The following SDE2 variants were observed in gnomAD, a reference collection of about 807,000 sequenced individuals.
SDE2 encodes the protein spliceosome associated SDE2.
A neutral mutation model predicts 46.9 loss-of-function variants in SDE2; 31 were observed. The observed-to-expected ratio is 0.66, with a 90% CI of 0.50 to 0.89. The LOEUF is 0.89. Among genes scored for constraint, SDE2 ranks in the 40% least tolerant of loss-of-function variants. The pLI is 0.00. For synonymous variants in SDE2, 205 were observed against 204.3 expected (o/e 1.00, Z -0.03); for missense variants, 542 against 564.4 (o/e 0.96, Z 0.40).
intron 2 of SDE2, among the ~76,000 whole-genome samples, chr1:225,994,036 T>C (rs1656464359): frequency 1.3e-5 from 2 of 151,876 alleles, no homozygotes; most frequent in African/African-American, 4.8e-5. Flanking sequence ...CTCAAAGTGT[T>C]GGGATTACAG....
rs1285856608 is a variant in SDE2, at chr1:225,983,121, G to C, written c.*2181C>G. 6.6e-6 allele frequency: 1 copy of C among 152,088 alleles called. No individual in the cohort carries two copies. Among genetic ancestry groups the C allele is most frequent in the Non-Finnish European group, 1.5e-5 (1 of 68,008 alleles). 9.4% of individuals were successfully genotyped at this position (152,088 alleles called of 1,614,324 possible). A position where few individuals can be genotyped will look rare whatever the true frequency, so the allele number is the denominator to read the frequency against. On this transcript the variant is annotated 3_prime_UTR_variant, in exon 7 of 7. Transcript: ENST00000272091. ...CTTATTAAAAGATACAGAGAGAACA[G>C]ATAAAAATGCAAGTCTCAAGTATAT...
At chr1:225,989,625 T>C (rs1656348784) in intron 5 of SDE2, among the ~76,000 whole-genome samples, 1 of 145,100 alleles carries the variant, frequency 6.9e-6, no homozygotes, top group African/African-American at 2.6e-5. Context: ...CAAGATTCTG[T>C]CTCAAAAAAA....
intron 5 of SDE2, among the ~76,000 whole-genome samples, chr1:225,990,820 T>C (rs1656382073): frequency 6.6e-6 from 1 of 152,174 alleles, no homozygotes; most frequent in African/African-American, 2.4e-5. Flanking sequence ...GAAAAAGTAC[T>C]GCTGTGCTTT....
intron 2 of SDE2, among the ~76,000 whole-genome samples, chr1:225,993,314 TA>T (rs1332371553): frequency 6.6e-6 from 1 of 152,116 alleles, no homozygotes; most frequent in South Asian, 2.1e-4. Context: ...CTAGAATATT[TA>T]AAAAGCTTTA....
At chr1:225,987,188 C>T (rs1656287518) in intron 6 of SDE2, among the ~76,000 whole-genome samples, 2 of 152,116 alleles carry the variant, frequency 1.3e-5, no homozygotes, top group Non-Finnish European at 2.9e-5. Flanking sequence ...GGATTACAGG[C>T]GTGCACCACC....
Position 225,991,337 on chromosome 1 carries a change from C to T in SDE2, c.547G>A (p.Val183Ile), listed in dbSNP as rs773503452. The change falls in exon 5 of 7, where the codon GTT becomes ATT. Residue 183 changes from valine to isoleucine, a missense_variant. By Grantham distance (29) the Val-to-Ile change is conservative (BLOSUM62 3). Around this residue, in one of 3 missense-constraint regions of SDE2, gnomAD observed 401 missense variants for 437.8 expected, o/e 0.92. Coordinates refer to ENST00000272091, the MANE Select transcript of SDE2 (RefSeq NM_152608.4). ...CGATTCTCACTGATTTCTGCTGAAACCATCTTGCTGGAGGCAGCCTGCATA... is the reference window on the plus strand; with the variant it reads ...CGATTCTCACTGATTTCTGCTGAAATCATCTTGCTGGAGGCAGCCTGCATA... ...KGMQAASSKM[V>I]SAEISENRKR... 1 of 1,613,850 alleles carries T rather than the reference C, an allele frequency of 6.2e-7. No homozygotes were observed. Among genetic ancestry groups the T allele is most frequent in the Non-Finnish European group, 8.5e-7 (1 of 1,179,792 alleles).
At chr1:225,993,124 T>C (rs1277454503) in intron 2 of SDE2, 122 bp from the exon 3 acceptor site, 1 of 524,744 alleles carries the variant, frequency 1.9e-6, no homozygotes, top group East Asian at 3.2e-5. Flanking sequence ...TCTTTTTTTT[T>C]TTTTTTAAGA....
chr1:225,993,088 A>G (rs1656439849), intron 2 of SDE2, 86 bp from the exon 3 acceptor site: 3 of 638,066 alleles, frequency 4.7e-6, no homozygotes, highest in Non-Finnish European at 8.4e-6. Context: ...CTGTATCACA[A>G]GATTAACAAT....
rs1203269226 is a variant in SDE2 at position 225,984,757 on chromosome 1, C to G, written c.*545G>C. 6.6e-6 allele frequency: 1 copy of G among 152,488 alleles called. No individual in the cohort carries two copies. Among genetic ancestry groups the G allele is most frequent in the Non-Finnish European group, 1.5e-5 (1 of 68,364 alleles). The allele number at this position is 152,488 out of a possible 1,614,324, so 9.4% of individuals were successfully genotyped here. On this transcript the variant is annotated 3_prime_UTR_variant, in exon 7 of 7. Transcript: ENST00000272091. The stretch of plus-strand genomic sequence containing the variant: ...CCCGGAAGGCAGAGCTTGCAGTAAG[C>G]CGAGATCGCGCCACTGCACTCCAGC...
Position 225,989,293 on chromosome 1 carries a change from CA to C in SDE2, c.642-906del, listed in dbSNP as rs58512006. Among the ~76,000 whole-genome samples, 221 of 130,308 alleles carry C rather than the reference CA, an allele frequency of 1.7e-3. 3 individuals carry two copies. Among genetic ancestry groups the C allele is most frequent in the Middle Eastern group, 0.012 (3 of 250 alleles). 85.5% of individuals were successfully genotyped at this position (130,308 alleles called of 152,430 possible). Reference sequence around the variant, plus strand: ...CCTGGGGGACAGAGCAAGACTGTCTCAAAAAAAAAAAAAAAATAATAATAAT... The same window carrying C: ...CCTGGGGGACAGAGCAAGACTGTCTCAAAAAAAAAAAAAAATAATAATAAT... On this transcript the variant is annotated intron_variant, in intron 5 of 6. Transcript: ENST00000272091.
intron 2 of SDE2, among the ~76,000 whole-genome samples, chr1:225,994,098 A>T (rs910327828): frequency 1.4e-5 from 2 of 142,836 alleles, no homozygotes; most frequent in African/African-American, 2.6e-5. Context: ...TTTTTTTTTG[A>T]GAGAGTCTCA....
intron 2 of SDE2, among the ~76,000 whole-genome samples, chr1:225,994,354 G>A (rs926244966): frequency 6.6e-6 from 1 of 152,204 alleles, no homozygotes; most frequent in South Asian, 2.1e-4. Context: ...GGGATTACAG[G>A]CGTGAGCCAC....
At chr1:225,992,817 G>T in intron 3 of SDE2, 74 bp downstream of exon 3, 1 of 804,190 alleles carries the variant, frequency 1.2e-6, no homozygotes, top group Non-Finnish European at 2.1e-6. Context: ...AATATGCGTG[G>T]CATATGTATA....
Position 225,992,907 on chromosome 1 carries a change from C to A in SDE2, c.334G>T (p.Val112Phe). 2 of 1,606,286 alleles carry A rather than the reference C, an allele frequency of 1.2e-6. No homozygotes were observed. The highest frequency in any genetic ancestry group is 1.7e-6 in the Non-Finnish European group (2 of 1,173,112). The change falls in exon 3 of 7, where the codon GTC becomes TTC. Residue 112 changes from valine (V) to phenylalanine (F), a missense_variant. Val to Phe is a conservative substitution (Grantham distance 50). Coordinates refer to ENST00000272091, the MANE Select transcript of SDE2 (RefSeq NM_152608.4). Reference sequence around the variant, plus strand: ...GCATCTTACGCTTTTTCATGATTGACATCGCGTAGTCTCCTTCCACTGAGA... The same window carrying A: ...GCATCTTACGCTTTTTCATGATTGAAATCGCGTAGTCTCCTTCCACTGAGA... ...RDLSGRRLRD[V>F]NHEKAMAEWV... is the part of the protein sequence containing the mutation.
intron 2 of SDE2, among the ~76,000 whole-genome samples, chr1:225,993,791 G>A (rs532793857): frequency 5.3e-5 from 8 of 152,228 alleles, no homozygotes; most frequent in African/African-American, 1.7e-4. Context: ...AAGAGATGGG[G>A]CCTTGCTCTG....
chr1:225,992,387 C>T lies in SDE2; in HGVS notation c.520+11G>A. On this transcript the variant is annotated intron_variant, in intron 4 of 6. Transcript: ENST00000272091. ...TGCCAGCTGAACACACTAAGGAATC[C>T]TCATTCTCACCTTTGAGGACGGAAT... 1 of 1,610,710 alleles carries T rather than the reference C, an allele frequency of 6.2e-7. No individual in the cohort carries two copies. Among genetic ancestry groups the T allele is most frequent in the Non-Finnish European group, 8.5e-7 (1 of 1,178,052 alleles).
Position 225,992,910 on chromosome 1 carries a change from C to A in SDE2, c.331G>T (p.Asp111Tyr). The A allele has an allele frequency of 1.2e-6, 2 of 1,607,442 alleles. No individual in the cohort carries two copies. The highest frequency in any genetic ancestry group is 1.7e-6 in the Non-Finnish European group (2 of 1,174,172). The change falls in exon 3 of 7, where the codon GAT becomes TAT. Residue 111 changes from aspartate (D) to tyrosine (Y), a missense_variant. By Grantham distance (160) the Asp-to-Tyr change is radical. This residue lies in a region of SDE2 where 401 missense variants were observed against 437.8 expected (regional missense o/e 0.92). Transcript: ENST00000272091. ...TCTTACGCTTTTTCATGATTGACAT[C>A]GCGTAGTCTCCTTCCACTGAGATCC... Reference protein sequence around the residue: ...CRDLSGRRLRDVNHEKAMAEW... With the variant: ...CRDLSGRRLRYVNHEKAMAEW...
chr1:225,990,023 C>T (rs1000846951), intron 5 of SDE2, among the ~76,000 whole-genome samples: 12 of 150,728 alleles, frequency 8.0e-5, no homozygotes, highest in South Asian at 2.1e-4. Flanking sequence ...TTCAGTGAGC[C>T]GAGATCGCGC....
At chr1:225,987,424 T>C (rs892262427) in intron 6 of SDE2, among the ~76,000 whole-genome samples, 2 of 152,174 alleles carry the variant, frequency 1.3e-5, no homozygotes, top group Non-Finnish European at 2.9e-5. Context: ...GAGGTTCCTC[T>C]TCTATAGAAG....
Sources: allele counts gnomAD v4.1 joint callset (sites outside exome capture counted in the v4.1 genomes callset), GRCh38; gene constraint gnomAD v4.1.1; regional missense constraint gnomAD v4.1.1; transcripts MANE v1.5; gene names NCBI Gene and HGNC (gene_info 2026-07-23, HGNC 2026-07-21).